Variants in CSMD1 observed in about 807,000 individuals in gnomAD.
CSMD1 encodes CUB and Sushi multiple domains 1.
In CSMD1, 213 loss-of-function variants were observed where a neutral mutation model predicts 417.5. The observed-to-expected ratio is 0.51, with a 90% CI of 0.46 to 0.57. CSMD1 has a LOEUF of 0.57. Ranked by LOEUF, CSMD1 falls within the 20% of genes least tolerant of loss-of-function variation. The pLI is 0.00. For synonymous variants in CSMD1, 2,862 were observed against 1,736.8 expected (o/e 1.65, Z -16.11); for missense variants, 6,923 against 4,529.7 (o/e 1.53, Z -15.17).
intron 1 of CSMD1, among the ~76,000 whole-genome samples, chr8:4,875,444 T>C (rs1405184101): frequency 1.3e-5 from 2 of 152,172 alleles, no homozygotes; most frequent in Admixed American, 6.5e-5. Context: ...AAATATGAAT[T>C]AAAGCTAAAA....
chr8:3,592,360 G>A (rs945765402), intron 8 of CSMD1, among the ~76,000 whole-genome samples: 4 of 152,006 alleles, frequency 2.6e-5, no homozygotes, highest in African/African-American at 9.7e-5. Flanking sequence ...TCGAAGGTAG[G>A]CATTTAAACA....
intron 3 of CSMD1, among the ~76,000 whole-genome samples, chr8:4,143,825 T>C (rs1803946065): frequency 6.6e-6 from 1 of 151,092 alleles, no homozygotes; most frequent in African/African-American, 2.5e-5. Flanking sequence ...TTACACAGTT[T>C]TCTGGGATTT....
Position 3,270,287 on chromosome 8 carries a change from A to G in CSMD1, c.4153+13857T>C, listed in dbSNP as rs143621675. 2.9e-3 allele frequency among the ~76,000 whole-genome samples: 440 copies of G among 151,990 alleles called. 2 individuals are homozygous for G. The highest frequency in any genetic ancestry group is 0.01 in the African/African-American group (418 of 41,466). ...TGGCCAGGCTGGCCTTGAACTCCTG[A>G]CCTTGTGATCCGTCTGCCTTGGCCT... is the stretch of plus-strand genomic sequence containing the variant. On this transcript the variant is annotated intron_variant, in intron 26 of 69. Transcript: ENST00000635120.
chr8:3,536,910 T>G (rs1798224492), intron 10 of CSMD1, among the ~76,000 whole-genome samples: 2 of 152,230 alleles, frequency 1.3e-5, no homozygotes, highest in African/African-American at 2.4e-5. Flanking sequence ...AAGGATTTAT[T>G]GTACGATTGC....
chr8:4,304,219 C>G (rs1012187390), intron 3 of CSMD1, among the ~76,000 whole-genome samples: 1 of 152,054 alleles, frequency 6.6e-6, no homozygotes, highest in East Asian at 1.9e-4. Flanking sequence ...AGATTTAAAG[C>G]TGTTTTATTC....
chr8:3,392,390 G>T (rs891628316), intron 17 of CSMD1, among the ~76,000 whole-genome samples: 2 of 152,126 alleles, frequency 1.3e-5, no homozygotes, highest in Non-Finnish European at 2.9e-5. Context: ...CCTGCATCTT[G>T]GCTTCAGAAC....
rs375162132 is a variant in CSMD1, at chr8:3,187,894, G to A, written c.5595C>T (p.Thr1865=). The A allele has an allele frequency of 3.0e-5, 49 of 1,612,454 alleles. No individual in the cohort carries two copies. The highest frequency in any genetic ancestry group is 4.0e-5 in the African/African-American group (3 of 74,708). ...SLEIHDGGDV[T]APRLGSFSGT... ...CTGAGAAGCTTCCCAGTCTGGGTGC[G>A]GTCACATCCCCACCATCGTGGATCT... The change falls in exon 36 of 70, where the codon ACC becomes ACT. Residue 1865 remains threonine, a synonymous_variant. Transcript: ENST00000635120.
chr8:3,933,866 A>G (rs1408166407), intron 5 of CSMD1, among the ~76,000 whole-genome samples: 13 of 152,076 alleles, frequency 8.5e-5, no homozygotes, highest in Non-Finnish European at 1.8e-4. Context: ...TATTTTTTTC[A>G]CATTTAACAA....
At chr8:3,730,749 A>G (rs1383215335) in intron 6 of CSMD1, among the ~76,000 whole-genome samples, 1 of 152,214 alleles carries the variant, frequency 6.6e-6, no homozygotes, top group Non-Finnish European at 1.5e-5. Context: ...CTATGCAGAT[A>G]GGACCAGAGT....
At chr8:4,859,888 G>A (rs1250608822) in intron 1 of CSMD1, among the ~76,000 whole-genome samples, 2 of 152,124 alleles carry the variant, frequency 1.3e-5, no homozygotes, top group Non-Finnish European at 2.9e-5. Context: ...AATACCATTT[G>A]ACCCAGCCAT....
intron 5 of CSMD1, among the ~76,000 whole-genome samples, chr8:3,800,123 T>C (rs1800377035): frequency 6.6e-6 from 1 of 152,278 alleles, no homozygotes; most frequent in South Asian, 2.1e-4. Flanking sequence ...TATGGCGCTA[T>C]TTATATTGTG....
At chr8:3,802,371 G>C (rs933419772) in intron 5 of CSMD1, among the ~76,000 whole-genome samples, 1 of 152,068 alleles carries the variant, frequency 6.6e-6, no homozygotes, top group African/African-American at 2.4e-5. Context: ...TGCTTATAGA[G>C]ATATTTAATT....
Position 4,628,281 on chromosome 8 carries a change from T to G in CSMD1, c.302+9061A>C, listed in dbSNP as rs1802240777. 4.6e-5 allele frequency among the ~76,000 whole-genome samples: 7 copies of G among 151,356 alleles called. No homozygotes were observed. In the Admixed American group the frequency reaches 4.6e-4, roughly 10 times the overall value. ...GTCTTTCATACCTCTTGTAAATATT[T>G]TAACTTAATTTGTCATTTGCCTTTT... is the stretch of plus-strand genomic sequence containing the variant. On this transcript the variant is annotated intron_variant, in intron 2 of 69. Coordinates refer to ENST00000635120, the MANE Select transcript of CSMD1 (RefSeq NM_033225.6).
At chr8:3,911,423 G>T (rs1407170077) in intron 5 of CSMD1, among the ~76,000 whole-genome samples, 1 of 151,738 alleles carries the variant, frequency 6.6e-6, no homozygotes, top group Non-Finnish European at 1.5e-5. Flanking sequence ...AGTTACTCGG[G>T]AGGCTGAGGC....
intron 2 of CSMD1, among the ~76,000 whole-genome samples, chr8:4,593,006 T>A (rs184758703): frequency 7.2e-5 from 11 of 152,354 alleles, no homozygotes; most frequent in Admixed American, 6.5e-4. Context: ...ATAAAACTAT[T>A]TAGAAAATTT....
At chr8:4,220,226 G>A (rs746912278) in intron 3 of CSMD1, among the ~76,000 whole-genome samples, 1 of 152,156 alleles carries the variant, frequency 6.6e-6, no homozygotes, top group Admixed American at 6.5e-5. Flanking sequence ...GCCGGGATTA[G>A]AGGCGTGAGC....
At chr8:3,095,520 G>A (rs1585334962) in intron 47 of CSMD1, among the ~76,000 whole-genome samples, 2 of 152,230 alleles carry the variant, frequency 1.3e-5, no homozygotes, top group Admixed American at 1.3e-4. Flanking sequence ...AAAAATGTGA[G>A]TTTAATTTCC....
chr8:3,697,009 T>G (rs1466717628), intron 7 of CSMD1, among the ~76,000 whole-genome samples: 1 of 152,182 alleles, frequency 6.6e-6, no homozygotes, highest in African/African-American at 2.4e-5. Flanking sequence ...AGGTCATGGG[T>G]TCTGGTGAAT....
At chr8:3,300,357 A>T (rs1463995896) in intron 25 of CSMD1, among the ~76,000 whole-genome samples, 1 of 146,678 alleles carries the variant, frequency 6.8e-6, no homozygotes, top group Non-Finnish European at 1.5e-5. Flanking sequence ...AACTACATTT[A>T]GGGGTTTTTT....
Sources: allele counts gnomAD v4.1 joint callset (sites outside exome capture counted in the v4.1 genomes callset), GRCh38; gene constraint gnomAD v4.1.1; transcripts MANE v1.5; gene names NCBI Gene and HGNC (gene_info 2026-07-23, HGNC 2026-07-21).